Variants in SCGB2B2 observed in about 807,000 individuals in gnomAD.
The protein encoded by SCGB2B2 is secretoglobin-like protein.
SCGB2B2 carries 11 observed loss-of-function variants against 7.6 expected under a neutral mutation model. The ratio of observed to expected loss-of-function variants is 1.45; its 90% CI spans 0.91 to 2.40. SCGB2B2 has a LOEUF of 2.40. Ranked by LOEUF, SCGB2B2 falls within the 30% of genes most tolerant of loss-of-function variation. The pLI, the probability that SCGB2B2 is intolerant of heterozygous loss-of-function variation, is 0.00. For missense variants in SCGB2B2, 104 were observed against 115.4 expected (o/e 0.90, Z 0.45); for synonymous variants, 50 against 48.6 (o/e 1.03, Z -0.12).
chr19:34,668,756 T>C (rs2067713766), intron 1 of SCGB2B2, among the ~76,000 whole-genome samples: 1 of 152,136 alleles, frequency 6.6e-6, no homozygotes, highest in Non-Finnish European at 1.5e-5. Flanking sequence ...GGAGAACCTT[T>C]GTGTCCACAC....
chr19:34,614,475 C>A (rs1167934493), intron 1 of SCGB2B2, among the ~76,000 whole-genome samples: 1 of 151,738 alleles, frequency 6.6e-6, no homozygotes, highest in Middle Eastern at 3.2e-3. Flanking sequence ...ATTATTATTC[C>A]TATCGCTATT....
At chr19:34,635,069 A>G (rs2066639184) in intron 1 of SCGB2B2, 4 of 297,984 alleles carry the variant, frequency 1.3e-5, no homozygotes, top group Non-Finnish European at 2.8e-5. Context: ...TTGCAGCTGA[A>G]GCATTTCCCA....
intron 1 of SCGB2B2, among the ~76,000 whole-genome samples, chr19:34,611,735 C>T (rs1047095628): frequency 5.3e-5 from 8 of 151,686 alleles, no homozygotes; most frequent in Non-Finnish European, 8.8e-5. Flanking sequence ...CTGCAACCTC[C>T]GCCTCCTGGG....
chr19:34,631,124 GGA>G (rs1485295326), intron 1 of SCGB2B2, among the ~76,000 whole-genome samples: 2 of 116,862 alleles, frequency 1.7e-5, no homozygotes, highest in East Asian at 6.1e-4. Context: ...TGGGGTGGGG[GGA>G]GGGGGGAGGG....
At position 34,663,653 on chromosome 19, in the gene SCGB2B2, G is replaced by C. The variant is rs181788057; in HGVS notation, c.-2032+11977C>G. Among the ~76,000 whole-genome samples, 7 of 152,288 alleles carry C rather than the reference G, an allele frequency of 4.6e-5. No individual in the cohort carries two copies. The East Asian group carries it at 1.4e-3, about 29-fold the overall frequency. On this transcript the variant is annotated intron_variant, in intron 1 of 3. Transcript: ENST00000601241. ...TCTTCAACTGCAGGGGTATTGTGAG[G>C]TTTGCATCACAGACATCACTTAAGA...
chr19:34,668,262 T>C (rs1383145232), intron 1 of SCGB2B2, among the ~76,000 whole-genome samples: 8 of 152,000 alleles, frequency 5.3e-5, no homozygotes, highest in South Asian at 4.2e-4. Flanking sequence ...CCGGTGGGCG[T>C]GGGCTTGGCG....
intron 1 of SCGB2B2, among the ~76,000 whole-genome samples, chr19:34,661,147 T>C (rs978586771): frequency 1.3e-5 from 2 of 151,884 alleles, no homozygotes; most frequent in Non-Finnish European, 2.9e-5. Flanking sequence ...GGGGTAGGGA[T>C]ACCATTAGGA....
intron 1 of SCGB2B2, among the ~76,000 whole-genome samples, chr19:34,614,912 G>A (rs2066029740): frequency 6.6e-6 from 1 of 152,202 alleles, no homozygotes; most frequent in South Asian, 2.1e-4. Flanking sequence ...CCATGGCCTA[G>A]ACTGCAGATG....
At chr19:34,593,906 T>C (rs147208279) in intron 3 of SCGB2B2, among the ~76,000 whole-genome samples, 3 of 152,184 alleles carry the variant, frequency 2.0e-5, no homozygotes, top group Non-Finnish European at 2.9e-5. Context: ...GGTGCAGTGA[T>C]TGTGGTTCCC....
At chr19:34,667,704 G>GGTTTTTTT (rs1240149613) in intron 1 of SCGB2B2, among the ~76,000 whole-genome samples, 1 of 151,992 alleles carries the variant, frequency 6.6e-6, no homozygotes, top group Non-Finnish European at 1.5e-5. Context: ...TTGTTTGTGC[G>GGTTTTTTT]TTTTCCCCAA....
At chr19:34,625,179 G>C (rs1199223935) in intron 1 of SCGB2B2, among the ~76,000 whole-genome samples, 1 of 152,218 alleles carries the variant, frequency 6.6e-6, no homozygotes, top group Non-Finnish European at 1.5e-5. Flanking sequence ...ACAGTCTACA[G>C]CTCCCAGCGT....
chr19:34,643,508 G>C (rs2066903703), intron 1 of SCGB2B2, among the ~76,000 whole-genome samples: 1 of 152,140 alleles, frequency 6.6e-6, no homozygotes, highest in African/African-American at 2.4e-5. Flanking sequence ...TTCGATAGCA[G>C]AATAGAGTGA....
rs2065423232 is a variant in SCGB2B2 at position 34,595,437 on chromosome 19, T to C, written c.-874A>G. ...GCAATAGCAGTTTAAATGAGTCTCC[T>C]TTGTGCTCAAACAGCATAACTTTAA... On this transcript the variant is annotated 5_prime_UTR_variant, in exon 2 of 4. Transcript: ENST00000601241. The C allele has an allele frequency of 6.5e-6, 1 of 152,684 alleles. No homozygotes were observed. The highest frequency in any genetic ancestry group is 1.5e-5 in the Non-Finnish European group (1 of 68,046). 9.5% of individuals were successfully genotyped at this position (152,684 alleles called of 1,614,324 possible).
downstream of SCGB2B2, among the ~76,000 whole-genome samples, chr19:34,587,863 ATCCCTGGG>A (rs1037214203): frequency 1.2e-3 from 183 of 152,282 alleles, no homozygotes; most frequent in African/African-American, 4.2e-3. Flanking sequence ...CCATCCTTGC[ATCCCTGGG>A]TTGAATTCCA....
chr19:34,626,538 T>A (rs527806581), intron 1 of SCGB2B2, among the ~76,000 whole-genome samples: 2 of 151,726 alleles, frequency 1.3e-5, no homozygotes, highest in Non-Finnish European at 2.9e-5. Flanking sequence ...TGAAATGAAA[T>A]GAGAAGAGAA....
At chr19:34,586,625 C>A (rs564843614), downstream of SCGB2B2, among the ~76,000 whole-genome samples, 5 of 152,298 alleles carry the variant, frequency 3.3e-5, no homozygotes, top group South Asian at 1.0e-3. Flanking sequence ...TAAAAAACTA[C>A]ATACGGTGAT....
rs183676021 is a variant in SCGB2B2 at position 34,666,074 on chromosome 19, C to T, written c.-2032+9556G>A. Among the ~76,000 whole-genome samples, 223 of 152,210 alleles carry T rather than the reference C, an allele frequency of 1.5e-3. 2 individuals carry two copies. The highest frequency in any genetic ancestry group is 5.2e-3 in the African/African-American group (216 of 41,510). ...AGTCTCCCAGCCTCTCTCCCCAGGA[C>T]GAAGCCCACTCAGCCAGTGCTTTTC... is the stretch of plus-strand genomic sequence containing the variant. On this transcript the variant is annotated intron_variant, in intron 1 of 3. Coordinates refer to ENST00000601241, the MANE Select transcript of SCGB2B2 (RefSeq NM_001025591.4).
downstream of SCGB2B2, among the ~76,000 whole-genome samples, chr19:34,589,943 T>C (rs183885262): frequency 4.2e-4 from 64 of 152,170 alleles, no homozygotes; most frequent in African/African-American, 1.5e-3. Flanking sequence ...AGGGAGTTGG[T>C]CCTAGAGGAA....
Position 34,653,174 on chromosome 19 carries a change from T to C in SCGB2B2, c.-2032+22456A>G, listed in dbSNP as rs543442882. On this transcript the variant is annotated intron_variant, in intron 1 of 3. Transcript: ENST00000601241. ...AAAAGCTGCTCTCATAGAAGAAGAG[T>C]GTAGAATAATGGTTACTTGAGGCAG... Among the ~76,000 whole-genome samples, 5 of 150,828 alleles carry C rather than the reference T, an allele frequency of 3.3e-5. No individual in the cohort carries two copies. The South Asian group carries it at 8.3e-4, about 25-fold the overall frequency.
Sources: allele counts gnomAD v4.1 joint callset (sites outside exome capture counted in the v4.1 genomes callset), GRCh38; gene constraint gnomAD v4.1.1; transcripts MANE v1.5; gene names NCBI Gene and HGNC (gene_info 2026-07-23, HGNC 2026-07-21).